The following ITPKC variants were observed in gnomAD, a reference collection of about 807,000 sequenced individuals.
ITPKC encodes inositol-trisphosphate 3-kinase C, also known as IP3 3-kinase C.
A neutral mutation model predicts 67.1 loss-of-function variants in ITPKC; 33 were observed. The observed-to-expected ratio is 0.49, with a 90% CI of 0.37 to 0.66. ITPKC has a LOEUF of 0.66. Ranked by LOEUF, ITPKC falls within the 30% of genes least tolerant of loss-of-function variation. The pLI is 0.00. For missense variants in ITPKC, 820 were observed against 892.1 expected (o/e 0.92, Z 1.03); for synonymous variants, 341 against 359.8 (o/e 0.95, Z 0.59).
intron 6 of ITPKC, among the ~76,000 whole-genome samples, chr19:40,738,011 A>ATT (rs2082303044): frequency 7.7e-6 from 1 of 130,384 alleles, no homozygotes. Context: ...AAAAAAAAAA[A>ATT]GGCCGGGTGC....
chr19:40,717,367 C>A lies in ITPKC; in HGVS notation c.232C>A (p.Pro78Thr). 6.2e-7 allele frequency: 1 copy of A among 1,612,372 alleles called. No homozygotes were observed. The highest frequency in any genetic ancestry group is 8.5e-7 in the Non-Finnish European group (1 of 1,179,784). Residue 78 changes from proline (P) to threonine (T), a missense_variant, in exon 1 of 7, where the codon CCT becomes ACT. Coordinates refer to ENST00000263370, the MANE Select transcript of ITPKC (RefSeq NM_025194.3). ...CGAGCCTGAGAGGGCCGGCCTCGGG[C>A]CTGCGCCGGGGACAGAGAGTCCGCA... ...HSEPERAGLG[P>T]APGTESPQAE...
At chr19:40,732,623 G>A (rs1254788511) in intron 3 of ITPKC, among the ~76,000 whole-genome samples, 1 of 151,810 alleles carries the variant, frequency 6.6e-6, no homozygotes, top group East Asian at 1.9e-4. Flanking sequence ...ACTAACACCG[G>A]GTCTCGCTAT....
Position 40,739,364 on chromosome 19 carries a change from G to A in ITPKC, c.1856G>A (p.Gly619Asp). The stretch of plus-strand genomic sequence containing the variant: ...CCGTCTCTACCCCGGCAGGTGGTAG[G>A]CAGCTCCCTCCTCTTCGTGCACGAC... ...SPFFKTHEVV[G>D]SSLLFVHDHT... The change falls in exon 7 of 7, where the codon GGC (glycine) becomes GAC (aspartate). Residue 619 changes from glycine (G) to aspartate (D), a missense_variant. Transcript: ENST00000263370. The A allele has an allele frequency of 6.2e-7, 1 of 1,613,528 alleles. No homozygotes were observed. The highest frequency in any genetic ancestry group is 8.5e-7 in the Non-Finnish European group (1 of 1,179,888).
At position 40,717,711 on chromosome 19, in the gene ITPKC, T is replaced by C; in HGVS notation, c.576T>C (p.Ala192=). The C allele has an allele frequency of 6.2e-7, 1 of 1,613,940 alleles. No homozygotes were observed. Among genetic ancestry groups the C allele is most frequent in the Non-Finnish European group, 8.5e-7 (1 of 1,179,954 alleles). Residue 192 remains alanine (A), a synonymous_variant, in exon 1 of 7, where the codon GCT becomes GCC. Coordinates refer to ENST00000263370, the MANE Select transcript of ITPKC (RefSeq NM_025194.3). ...AGCCAGAGAGGGTCAAGTCCTGGGC[T>C]GATAACCTCTGGACCCACCAGAACA... ...QTQPERVKSW[A]DNLWTHQNSS... is the part of the protein sequence containing the mutation.
rs2082192693 is a variant in ITPKC, at chr19:40,717,155, G to T, written c.20G>T (p.Arg7Leu). Reference protein sequence around the residue: MRRCPCRGSLNEAEAGA... With the variant: MRRCPCLGSLNEAEAGA... ...GCGGGCATGAGGCGCTGCCCGTGCC[G>T]TGGGAGCCTGAACGAGGCGGAGGCC... The change falls in exon 1 of 7, where the codon CGT (arginine) becomes CTT (leucine). Residue 7 changes from arginine (R) to leucine (L), a missense_variant. Coordinates refer to ENST00000263370, the MANE Select transcript of ITPKC (RefSeq NM_025194.3). 4.1e-6 allele frequency: 5 copies of T among 1,227,088 alleles called. No individual in the cohort carries two copies. In the African/African-American group the frequency reaches 6.2e-5, roughly 15 times the overall value. 76.0% of individuals were successfully genotyped at this position (1,227,088 alleles called of 1,614,324 possible). A position where few individuals can be genotyped will look rare whatever the true frequency, so the allele number is the denominator to read the frequency against.
At chr19:40,733,513 A>G (rs2082281534) in intron 4 of ITPKC, 149 bp downstream of exon 4, 3 of 693,542 alleles carry the variant, frequency 4.3e-6, no homozygotes, top group East Asian at 2.7e-5. Context: ...TCTTACCTCC[A>G]TACCCATCAG....
At chr19:40,732,404 C>T (rs1163099848) in intron 3 of ITPKC, among the ~76,000 whole-genome samples, 1 of 151,128 alleles carries the variant, frequency 6.6e-6, no homozygotes, top group Non-Finnish European at 1.5e-5. Context: ...GTGGCGGGCA[C>T]CTGTAATCCC....
chr19:40,724,550 C>T (rs2082237222), intron 1 of ITPKC, among the ~76,000 whole-genome samples: 1 of 152,146 alleles, frequency 6.6e-6, no homozygotes, highest in African/African-American at 2.4e-5. Context: ...ATCTGCCTCT[C>T]TGTTTCTGTC....
rs747324732 is a variant in ITPKC at position 40,733,260 on chromosome 19, C to T, written c.1570C>T (p.Pro524Ser). 2.5e-6 allele frequency: 4 copies of T among 1,614,084 alleles called. No individual in the cohort carries two copies. In the African/African-American group the frequency reaches 4.0e-5, roughly 16 times the overall value. ...MVAVDPGAPT[P>S]EEHAQGAVTK... ...GGCTGTGGACCCTGGGGCCCCTACC[C>T]CTGAGGAGCATGCCCAGGGTGCAGT... The change falls in exon 4 of 7, where the codon CCT becomes TCT. Residue 524 changes from proline to serine, a missense_variant. Physicochemically the swap from Pro to Ser is moderately conservative, Grantham distance 74. Transcript: ENST00000263370.
chr19:40,729,231 A>G lies in ITPKC; in HGVS notation c.1285A>G (p.Ile429Val). 1 of 1,614,032 alleles carries G rather than the reference A, an allele frequency of 6.2e-7. No homozygotes were observed. The highest frequency in any genetic ancestry group is 1.1e-5 in the South Asian group (1 of 91,078). ...CTTCCAGGCAGGAGAGGATGGTCGG[A>G]TTCTGAAACGTTTCTGTCAGTGTGA... ...GNFQAGEDGR[I>V]LKRFCQCEQR... The change falls in exon 3 of 7, where the codon ATT (isoleucine) becomes GTT (valine). Residue 429 changes from isoleucine to valine, a missense_variant. By Grantham distance (29) the Ile-to-Val change is conservative. Transcript: ENST00000263370.
Position 40,718,178 on chromosome 19 carries a change from C to A in ITPKC, c.1043C>A (p.Ser348Tyr). 1 of 1,588,624 alleles carries A rather than the reference C, an allele frequency of 6.3e-7. No individual in the cohort carries two copies. Among genetic ancestry groups the A allele is most frequent in the East Asian group, 2.2e-5 (1 of 44,546 alleles). ...GAGGCCCAGCCAGTGGGACCCCCCT[C>A]CCGGGTTGAGGGGGGCAGCGGCGGC... The part of the protein sequence containing the change: ...EPEAQPVGPP[S>Y]RVEGGSGGFS... The change falls in exon 1 of 7, where the codon TCC (serine) becomes TAC (tyrosine). Residue 348 changes from serine (S) to tyrosine (Y), a missense_variant. Ser to Tyr is a moderately radical substitution (Grantham distance 144, BLOSUM62 -2). This residue lies in a region of ITPKC where 481 missense variants were observed against 470.1 expected (regional missense o/e 1.02). Transcript: ENST00000263370.
intron 3 of ITPKC, among the ~76,000 whole-genome samples, chr19:40,732,257 A>G (rs969216408): frequency 3.4e-5 from 5 of 148,840 alleles, no homozygotes; most frequent in Non-Finnish European, 7.4e-5. Flanking sequence ...AAAAAAAAAA[A>G]AGGCTGGGCG....
chr19:40,717,308 C>T lies in ITPKC; in HGVS notation c.173C>T (p.Pro58Leu). The T allele has an allele frequency of 2.6e-6, 4 of 1,551,200 alleles. No homozygotes were observed. The highest frequency in any genetic ancestry group is 2.6e-6 in the Non-Finnish European group (3 of 1,151,600). The change falls in exon 1 of 7, where the codon CCC (proline) becomes CTC (leucine). Residue 58 changes from proline to leucine, a missense_variant. By Grantham distance (98) the Pro-to-Leu change is moderately conservative. Around this residue, in one of 2 missense-constraint regions of ITPKC, gnomAD observed 481 missense variants for 470.1 expected, o/e 1.02. Transcript: ENST00000263370. ...APAGRPEGGG[P>L]WARTEGSSLH... ...GCGGGGCGGCCGGAGGGGGGCGGGC[C>T]CTGGGCCCGGACAGAGGGGTCCAGC...
At position 40,739,338 on chromosome 19, in the gene ITPKC, C is replaced by G; in HGVS notation, c.1849-19C>G. On this transcript the variant is annotated intron_variant, in intron 6 of 6. Coordinates refer to ENST00000263370, the MANE Select transcript of ITPKC (RefSeq NM_025194.3). ...CCAGTGCCTGCTCCTCCCTTAACCT[C>G]CCGTCTCTACCCCGGCAGGTGGTAG... 6.2e-7 allele frequency: 1 copy of G among 1,605,790 alleles called. No homozygotes were observed.
In ITPKC at chr19:40,734,778, G is replaced by GT. The variant is rs1313856278; in HGVS notation, c.1674+1416dup. ...CACGCACTACCATGCCTGGCTAATT[G>GT]TTGTTTTTTTTTTTTTTTTTGAGAC... On this transcript the variant is annotated intron_variant, in intron 4 of 6. Transcript: ENST00000263370. Among the ~76,000 whole-genome samples the GT allele has an allele frequency of 3.0e-3, 233 of 77,702 alleles. 2 individuals are homozygous for GT. Among genetic ancestry groups the GT allele is most frequent in the Non-Finnish European group, 5.1e-3 (177 of 34,744 alleles). 51.0% of individuals were successfully genotyped at this position (77,702 alleles called of 152,430 possible).
Position 40,740,720 on chromosome 19 carries a change from C to T in ITPKC, c.*1160C>T. Reference sequence around the variant, plus strand: ...CTTCCAGGGCTGAGGAGATGCTCTCCTTTTCTACTGACCATCTTGATACTT... The same window carrying T: ...CTTCCAGGGCTGAGGAGATGCTCTCTTTTTCTACTGACCATCTTGATACTT... On this transcript the variant is annotated 3_prime_UTR_variant, in exon 7 of 7. Coordinates refer to ENST00000263370, the MANE Select transcript of ITPKC (RefSeq NM_025194.3). 2 of 368,066 alleles carry T rather than the reference C, an allele frequency of 5.4e-6. No individual in the cohort carries two copies. Among genetic ancestry groups the T allele is most frequent in the Non-Finnish European group, 4.8e-6 (1 of 206,442 alleles). The allele number at this position is 368,066 out of a possible 1,614,324, so 22.8% of individuals were successfully genotyped here. A position where few individuals can be genotyped will look rare whatever the true frequency, so the allele number is the denominator to read the frequency against.
chr19:40,727,080 A>G (rs2082249343), intron 2 of ITPKC, among the ~76,000 whole-genome samples: 1 of 152,024 alleles, frequency 6.6e-6, no homozygotes, highest in Non-Finnish European at 1.5e-5. Flanking sequence ...CACGCCTGTA[A>G]TCCCAGCACT....
At chr19:40,718,427 C>A in intron 1 of ITPKC, 137 bp downstream of exon 1, 1 of 1,120,058 alleles carries the variant, frequency 8.9e-7, no homozygotes, top group Non-Finnish European at 1.2e-6. Flanking sequence ...CTTCCATCCA[C>A]TGACCTCCTC....
intron 1 of ITPKC, among the ~76,000 whole-genome samples, chr19:40,719,729 G>C (rs916865859): frequency 6.6e-6 from 1 of 152,084 alleles, no homozygotes; most frequent in South Asian, 2.1e-4. Context: ...GACCTCAAGT[G>C]ATCCACCCGC....
Sources: gnomAD v4.1 joint callset for allele counts (sites outside exome capture counted in the v4.1 genomes callset) on GRCh38, gnomAD v4.1.1 for gene constraint, gnomAD v4.1.1 regional missense constraint, MANE v1.5 for transcripts, NCBI Gene and HGNC (gene_info 2026-07-23, HGNC 2026-07-21) for gene names.